Variants in GBA1 observed in about 807,000 individuals in gnomAD.
GBA1 encodes lysosomal acid glucosylceramidase.
chr1:155,237,343 C>T, the GBA1 span: 2 of 1,613,834 alleles, frequency 1.2e-6, no homozygotes, highest in Non-Finnish European at 1.7e-6. Context: ...GGCCTTACCA[C>T]CTTTGCCCAG....
At chr1:155,236,545 T>C in the GBA1 span, 1 of 1,217,478 alleles carries the variant, frequency 8.2e-7, no homozygotes, top group Non-Finnish European at 1.2e-6. Flanking sequence ...GTAGGAATCC[T>C]GGAGTTGGGT....
At chr1:155,242,755 G>C in the GBA1 span, among the ~76,000 whole-genome samples, 1 of 151,554 alleles carries the variant, frequency 6.6e-6, no homozygotes, top group Non-Finnish European at 1.5e-5. Context: ...ACCATGCCCA[G>C]CTAATTTTTG....
chr1:155,242,643 CAG>C, the GBA1 span, among the ~76,000 whole-genome samples: 2 of 149,322 alleles, frequency 1.3e-5, no homozygotes, highest in Non-Finnish European at 3.0e-5. Context: ...GGTTTTGAGA[CAG>C]AGTCTTGCCC....
chr1:155,237,045 TA>T, the GBA1 span, among the ~76,000 whole-genome samples: 1 of 150,302 alleles, frequency 6.7e-6, no homozygotes, highest in South Asian at 2.1e-4. Flanking sequence ...TTTTTTTTTG[TA>T]TTTTAGTAGA....
At chr1:155,237,208 C>A in the GBA1 span, 1 of 1,508,410 alleles carries the variant, frequency 6.6e-7, no homozygotes, top group Non-Finnish European at 9.0e-7. Flanking sequence ...GGATCCATGG[C>A]ACCCTGGAGG....
chr1:155,236,097 G>C, the GBA1 span: 63 of 809,300 alleles, frequency 7.8e-5, no homozygotes, highest in South Asian at 4.2e-4. Flanking sequence ...GAAGGAAAGG[G>C]AAGATAGGGA....
At chr1:155,239,772 TC>T in the GBA1 span, 1 of 1,613,996 alleles carries the variant, frequency 6.2e-7, no homozygotes, top group South Asian at 1.1e-5. Context: ...CCTGAGGACA[TC>T]CACAGGGAAT....
At chr1:155,236,145 G>C in the GBA1 span, 433 of 1,068,020 alleles carry the variant, frequency 4.1e-4, 1 homozygote, top group East Asian at 7.3e-3. Context: ...GGGCAGGCTA[G>C]CTGGGGAAAG....
chr1:155,242,023 G>A, the GBA1 span, among the ~76,000 whole-genome samples: 2 of 152,200 alleles, frequency 1.3e-5, no homozygotes, highest in Non-Finnish European at 2.9e-5. Context: ...GTGGCCTCAT[G>A]AACCACATCA....
the GBA1 span, chr1:155,239,554 A>T: frequency 6.3e-7 from 1 of 1,596,888 alleles, no homozygotes; most frequent in South Asian, 1.1e-5. Context: ...AAATTTTAAA[A>T]AAAGAAAAGA....
chr1:155,237,445 T>C, the GBA1 span: 1 of 1,613,928 alleles, frequency 6.2e-7, no homozygotes. Context: ...TCACGGGCAA[T>C]GAAGTCTCGC....
At chr1:155,236,340 C>T in the GBA1 span, 1 of 1,614,212 alleles carries the variant, frequency 6.2e-7, no homozygotes, top group African/African-American at 1.3e-5. Flanking sequence ...GCCTCTGAGG[C>T]AAAGAGCATG....
At chr1:155,241,385 T>C in the GBA1 span, 1 of 552,568 alleles carries the variant, frequency 1.8e-6, no homozygotes, top group Non-Finnish European at 3.3e-6. Context: ...TATAAAACTC[T>C]GGAGGGCATG....
chr1:155,238,895 T>C, the GBA1 span: 5 of 532,726 alleles, frequency 9.4e-6, no homozygotes, highest in Middle Eastern at 1.7e-3. Flanking sequence ...AGGAACCAAA[T>C]GTCAGGGATG....
At chr1:155,243,793 G>A in the GBA1 span, among the ~76,000 whole-genome samples, 136 of 146,528 alleles carry the variant, frequency 9.3e-4, 1 homozygote, top group African/African-American at 3.2e-3. Flanking sequence ...TTTTTTTTTT[G>A]AGACGGAGTA....
the GBA1 span, chr1:155,240,147 G>A: frequency 1.6e-4 from 227 of 1,423,018 alleles, no homozygotes; most frequent in Non-Finnish European, 2.1e-4. Flanking sequence ...TCTGCTAGGA[G>A]AGACTGAACA....
chr1:155,235,671 C>A, the GBA1 span: 1 of 1,590,010 alleles, frequency 6.3e-7, no homozygotes, highest in Admixed American at 1.8e-5. Flanking sequence ...GGTGCCCGCC[C>A]TCCACTCACC....
the GBA1 span, chr1:155,240,115 G>A: frequency 5.0e-5 from 78 of 1,575,072 alleles, no homozygotes; most frequent in Admixed American, 8.4e-5. Flanking sequence ...GAGGTCTGAT[G>A]AAGACATGGA....
the GBA1 span, among the ~76,000 whole-genome samples, chr1:155,241,852 T>C: frequency 6.6e-6 from 1 of 152,166 alleles, no homozygotes; most frequent in Admixed American, 6.5e-5. Context: ...GAGTGGTCAG[T>C]GCGGCTCCTC....
Sources: gnomAD v4.1 joint callset for allele counts (sites outside exome capture counted in the v4.1 genomes callset) on GRCh38, gnomAD v4.1.1 for gene constraint, MANE v1.5 for transcripts, NCBI Gene and HGNC (gene_info 2026-07-23, HGNC 2026-07-21) for gene names.